The following RASGRP3 variants were observed in gnomAD, a reference collection of about 807,000 sequenced individuals.
The protein encoded by RASGRP3 is RAS guanyl releasing protein 3, also known as ras guanyl-releasing protein 3.
RASGRP3 carries 54 observed loss-of-function variants against 82.7 expected under a neutral mutation model. The observed-to-expected ratio is 0.65, with a 90% confidence interval of 0.52 to 0.82. The LOEUF (loss-of-function observed/expected upper bound fraction) is 0.82, where lower values mean the gene tolerates loss of function less well. Ranked by LOEUF, RASGRP3 falls within the 40% of genes least tolerant of loss-of-function variation. The pLI is 0.00. For missense variants in RASGRP3, 861 were observed against 828.9 expected (o/e 1.04, Z -0.48); for synonymous variants, 309 against 300.5 (o/e 1.03, Z -0.29).
chr2:33,473,879 G>A (rs1271947919), upstream of RASGRP3, among the ~76,000 whole-genome samples: 1 of 152,166 alleles, frequency 6.6e-6, no homozygotes, highest in African/African-American at 2.4e-5. Flanking sequence ...CCATGGACCG[G>A]GAATGAGGGG....
intron 14 of RASGRP3, chr2:33,555,012 C>T (rs1204061863): frequency 6.6e-6 from 1 of 152,424 alleles, no homozygotes; most frequent in African/African-American, 2.4e-5. Flanking sequence ...AAACATAGAG[C>T]AAATGTGGAG....
intron 2 of RASGRP3, 39 bp from the exon 3 acceptor site, chr2:33,514,971 C>G (rs1671306710): frequency 1.6e-6 from 1 of 634,332 alleles, no homozygotes. Flanking sequence ...GGTCTGAACT[C>G]TAGTCTAATA....
At position 33,563,383 on chromosome 2, in the gene RASGRP3, G is replaced by A. The variant is rs1386768954; in HGVS notation, c.*646G>A. 6.6e-6 allele frequency: 1 copy of A among 152,116 alleles called. No homozygotes were observed. Among genetic ancestry groups the A allele is most frequent in the East Asian group, 1.9e-4 (1 of 5,188 alleles). 9.4% of individuals were successfully genotyped at this position (152,116 alleles called of 1,614,324 possible). On this transcript the variant is annotated 3_prime_UTR_variant, in exon 18 of 18. Coordinates refer to ENST00000403687, the MANE Select transcript of RASGRP3 (RefSeq NM_001139488.2). ...TCCCACTACACAGTTGCTATGATAT[G>A]TAACAAGTCACACATGTATATATCA...
intron 13 of RASGRP3, among the ~76,000 whole-genome samples, chr2:33,544,928 A>G (rs137881470): frequency 1.3e-4 from 20 of 152,322 alleles, no homozygotes; most frequent in African/African-American, 4.6e-4. Flanking sequence ...TCTTAAATTC[A>G]TCTTCATTAT....
upstream of RASGRP3, among the ~76,000 whole-genome samples, chr2:33,475,782 C>T (rs935273228): frequency 6.6e-5 from 10 of 152,182 alleles, no homozygotes; most frequent in African/African-American, 2.4e-4. Flanking sequence ...TGGTTTGCCA[C>T]GTTTGCGAGC....
At chr2:33,437,698 G>A (rs1241628900) in intron 1 of RASGRP3, among the ~76,000 whole-genome samples, 5 of 152,266 alleles carry the variant, frequency 3.3e-5, no homozygotes, top group South Asian at 4.1e-4. Flanking sequence ...CCCACTGGCC[G>A]TCTTCTTTCC....
At chr2:33,443,397 C>T (rs1000642933) in intron 1 of RASGRP3, among the ~76,000 whole-genome samples, 29 of 152,184 alleles carry the variant, frequency 1.9e-4, no homozygotes, top group Admixed American at 1.0e-3. Context: ...TTTCTCTTAG[C>T]GGCCTGTGTT....
chr2:33,439,839 C>T (rs1331939239), intron 1 of RASGRP3, among the ~76,000 whole-genome samples: 2 of 152,042 alleles, frequency 1.3e-5, no homozygotes, highest in Non-Finnish European at 2.9e-5. Flanking sequence ...ATGAGAAGTT[C>T]TGAAAAGGGA....
At chr2:33,557,783 C>T (rs1574504815) in intron 15 of RASGRP3, among the ~76,000 whole-genome samples, 1 of 151,748 alleles carries the variant, frequency 6.6e-6, no homozygotes, top group African/African-American at 2.4e-5. Flanking sequence ...AGGCAGTTGG[C>T]CTGGGAGAGA....
intron 2 of RASGRP3, among the ~76,000 whole-genome samples, chr2:33,461,212 G>C (rs1056220086): frequency 6.6e-6 from 1 of 152,190 alleles, no homozygotes; most frequent in Non-Finnish European, 1.5e-5. Context: ...TCACAAAGAT[G>C]AGCTTTGAGA....
At chr2:33,497,853 A>T (rs2150972435) in intron 1 of RASGRP3, among the ~76,000 whole-genome samples, 1 of 152,356 alleles carries the variant, frequency 6.6e-6, no homozygotes, top group African/African-American at 2.4e-5. Flanking sequence ...AATACAGAGT[A>T]AGAAGCATAT....
At chr2:33,483,257 C>T (rs1668090446) in intron 1 of RASGRP3, among the ~76,000 whole-genome samples, 1 of 152,084 alleles carries the variant, frequency 6.6e-6, no homozygotes, top group Non-Finnish European at 1.5e-5. Context: ...TTGTCAAATG[C>T]TGCCTTATCT....
At chr2:33,447,632 C>A (rs932457759) in intron 1 of RASGRP3, among the ~76,000 whole-genome samples, 15 of 152,082 alleles carry the variant, frequency 9.9e-5, no homozygotes, top group Non-Finnish European at 1.9e-4. Context: ...CGAGGTTTCA[C>A]CATATTGGCC....
chr2:33,558,839 T>TG lies in RASGRP3; in HGVS notation c.1879dup (p.Asp627GlyfsTer9), dbSNP rs778903471. The stretch of plus-strand genomic sequence containing the variant: ...TGAACCTGTCTGGTCAGAGGCTGGC[T>TG]GGGGGGACTCGGGGTCCCACACCTT... On this transcript the variant is annotated frameshift_variant, in exon 17 of 18. Transcript: ENST00000403687. LOFTEE classifies it high-confidence loss of function. 1 of 1,613,970 alleles carries TG rather than the reference T, an allele frequency of 6.2e-7. No homozygotes were observed. The highest frequency in any genetic ancestry group is 8.5e-7 in the Non-Finnish European group (1 of 1,179,894).
At chr2:33,516,911 T>C (rs142843207) in intron 4 of RASGRP3, 4 of 290,504 alleles carry the variant, frequency 1.4e-5, no homozygotes, top group Non-Finnish European at 6.3e-6. Context: ...GTTTCTAACT[T>C]GTCTTAAACA....
At chr2:33,483,124 T>A (rs58386929) in intron 1 of RASGRP3, among the ~76,000 whole-genome samples, 10 of 152,314 alleles carry the variant, frequency 6.6e-5, no homozygotes, top group African/African-American at 2.4e-4. Context: ...GAAACCTTGA[T>A]GCCCCTATTG....
rs369028936 is a variant in RASGRP3 at position 33,522,027 on chromosome 2, G to A, written c.441G>A (p.Leu147=). The A allele has an allele frequency of 6.2e-7, 1 of 1,613,932 alleles. No individual in the cohort carries two copies. The highest frequency in any genetic ancestry group is 1.1e-5 in the South Asian group (1 of 91,068). ...KVSKKGKACL[L]FDHLEPIELA... is the part of the protein sequence containing the mutation. ...CCAAGAAGGGAAAAGCCTGTCTGCT[G>A]TTTGACCATCTGGAGCCCATTGAAT... Residue 147 remains leucine (L), a synonymous_variant, in exon 7 of 18, where the codon CTG becomes CTA. Transcript: ENST00000403687.
intron 2 of RASGRP3, among the ~76,000 whole-genome samples, chr2:33,467,068 CTA>C (rs142732530): frequency 1.2e-4 from 18 of 150,542 alleles, no homozygotes; most frequent in Admixed American, 1.1e-3. Context: ...AACATACTAA[CTA>C]TATATATATT....
At chr2:33,463,027 A>G (rs1411960402) in intron 2 of RASGRP3, among the ~76,000 whole-genome samples, 1 of 152,210 alleles carries the variant, frequency 6.6e-6, no homozygotes, top group Non-Finnish European at 1.5e-5. Flanking sequence ...CAACAGTGGC[A>G]TTTCAGAAGA....
Sources: gnomAD v4.1 joint callset for allele counts (sites outside exome capture counted in the v4.1 genomes callset) on GRCh38, gnomAD v4.1.1 for gene constraint, MANE v1.5 for transcripts, NCBI Gene and HGNC (gene_info 2026-07-23, HGNC 2026-07-21) for gene names.